Variants in GPC5 observed in about 807,000 individuals in gnomAD.
The protein encoded by GPC5 is glypican 5.
GPC5 carries 47 observed loss-of-function variants against 53.9 expected under a neutral mutation model. The observed-to-expected ratio is 0.87, with a 90% CI of 0.69 to 1.11. GPC5 has a LOEUF of 1.11. GPC5 is among the 50% of genes most tolerant of loss of function. GPC5 has a pLI of 0.00. For missense variants in GPC5, 748 were observed against 713.1 expected (o/e 1.05, Z -0.56); for synonymous variants, 286 against 263.3 (o/e 1.09, Z -0.84).
intron 6 of GPC5, among the ~76,000 whole-genome samples, chr13:92,074,117 G>A (rs1434624483): frequency 1.3e-5 from 2 of 152,186 alleles, no homozygotes; most frequent in Non-Finnish European, 1.5e-5. Flanking sequence ...AACATCGTGA[G>A]TGAATACATT....
chr13:91,479,137 T>A (rs1376589485), intron 2 of GPC5, among the ~76,000 whole-genome samples: 1 of 151,604 alleles, frequency 6.6e-6, no homozygotes, highest in Non-Finnish European at 1.5e-5. Context: ...GGCCTCGAAC[T>A]CCTGAGCTCA....
At chr13:91,958,457 G>A (rs2040094748) in intron 6 of GPC5, among the ~76,000 whole-genome samples, 2 of 151,920 alleles carry the variant, frequency 1.3e-5, no homozygotes, top group Admixed American at 6.6e-5. Context: ...TCCATTCTCA[G>A]CATTAGACAG....
intron 7 of GPC5, among the ~76,000 whole-genome samples, chr13:92,393,281 A>T (rs1463719929): frequency 1.3e-5 from 2 of 151,668 alleles, no homozygotes; most frequent in African/African-American, 4.8e-5. Flanking sequence ...ATTATTCTTT[A>T]AAAAAAAACT....
At chr13:91,694,324 G>A (rs144815333) in intron 3 of GPC5, among the ~76,000 whole-genome samples, 1 of 152,172 alleles carries the variant, frequency 6.6e-6, no homozygotes, top group Non-Finnish European at 1.5e-5. Flanking sequence ...GGTAGTTATT[G>A]TTAGAATTTC....
At chr13:92,462,491 G>A (rs1878528891) in intron 7 of GPC5, among the ~76,000 whole-genome samples, 1 of 152,104 alleles carries the variant, frequency 6.6e-6, no homozygotes, top group African/African-American at 2.4e-5. Flanking sequence ...GCAGAAGCAG[G>A]GGTTTTTCTT....
chr13:92,612,269 A>C (rs539256341), intron 7 of GPC5, among the ~76,000 whole-genome samples: 55 of 152,268 alleles, frequency 3.6e-4, no homozygotes, highest in Middle Eastern at 3.4e-3. Context: ...ATCAAAGCAC[A>C]TCACGAATTG....
At chr13:91,768,223 G>A (rs1252253886) in intron 5 of GPC5, among the ~76,000 whole-genome samples, 1 of 152,056 alleles carries the variant, frequency 6.6e-6, no homozygotes, top group Non-Finnish European at 1.5e-5. Context: ...CTACAGTGTA[G>A]TCTAATTGAA....
intron 7 of GPC5, among the ~76,000 whole-genome samples, chr13:92,817,313 A>C (rs930634849): frequency 1.3e-5 from 2 of 151,996 alleles, no homozygotes; most frequent in African/African-American, 4.8e-5. Flanking sequence ...AGTAGTATAA[A>C]TCTACAATTC....
At chr13:92,864,712 C>T (rs1216465771) in intron 7 of GPC5, among the ~76,000 whole-genome samples, 2 of 151,988 alleles carry the variant, frequency 1.3e-5, no homozygotes, top group African/African-American at 2.4e-5. Flanking sequence ...ATTCATCTTG[C>T]CTAATGACAC....
chr13:92,293,374 C>CT (rs1310533453), intron 7 of GPC5, among the ~76,000 whole-genome samples: 1 of 121,872 alleles, frequency 8.2e-6, no homozygotes. Flanking sequence ...TTGTAGAGGT[C>CT]TTTCACCTCT....
At chr13:92,385,214 A>G (rs1374189378) in intron 7 of GPC5, among the ~76,000 whole-genome samples, 2 of 151,042 alleles carry the variant, frequency 1.3e-5, no homozygotes, top group African/African-American at 2.4e-5. Flanking sequence ...ATTTTATTAT[A>G]TTTCAACTAT....
At chr13:92,556,790 G>A (rs1410625775) in intron 7 of GPC5, among the ~76,000 whole-genome samples, 1 of 151,618 alleles carries the variant, frequency 6.6e-6, no homozygotes, top group African/African-American at 2.4e-5. Flanking sequence ...TTCTTAAAAC[G>A]GTGTTAATCA....
chr13:92,568,484 G>A (rs1882928442), intron 7 of GPC5, among the ~76,000 whole-genome samples: 1 of 152,090 alleles, frequency 6.6e-6, no homozygotes, highest in Non-Finnish European at 1.5e-5. Context: ...AGCTTGGTTA[G>A]TTTAAAATAT....
chr13:92,277,663 T>G (rs2042885515), intron 7 of GPC5, among the ~76,000 whole-genome samples: 1 of 151,984 alleles, frequency 6.6e-6, no homozygotes, highest in African/African-American at 2.4e-5. Flanking sequence ...TGTTGGCCCC[T>G]GTAAAATTAA....
Position 92,369,481 on chromosome 13 carries a change from G to A in GPC5, c.1561+224492G>A, listed in dbSNP as rs1175135346. 2.6e-5 allele frequency among the ~76,000 whole-genome samples: 4 copies of A among 152,108 alleles called. No individual in the cohort carries two copies. The East Asian group carries it at 7.7e-4, about 29-fold the overall frequency. On this transcript the variant is annotated intron_variant, in intron 7 of 7. Transcript: ENST00000377067. ...TCTGAGCCACCACCTTCAGCCTAGA[G>A]CTGTTTTTAATGTTTTAGTTGTTGT...
chr13:91,474,494 A>G (rs149211847), intron 2 of GPC5, among the ~76,000 whole-genome samples: 18 of 152,208 alleles, frequency 1.2e-4, no homozygotes, highest in African/African-American at 4.1e-4. Flanking sequence ...GAAATCTGTC[A>G]GTTTCTCAAT....
chr13:92,000,291 G>A (rs955773873), intron 6 of GPC5, among the ~76,000 whole-genome samples: 1 of 151,646 alleles, frequency 6.6e-6, no homozygotes, highest in East Asian at 1.9e-4. Context: ...TTCTATATTT[G>A]GATAGAGGAA....
intron 4 of GPC5, among the ~76,000 whole-genome samples, chr13:91,730,548 G>A (rs1371130028): frequency 6.6e-6 from 1 of 152,160 alleles, no homozygotes; most frequent in African/African-American, 2.4e-5. Context: ...ATGGTCAAGT[G>A]TGTAGTTTCT....
intron 6 of GPC5, among the ~76,000 whole-genome samples, chr13:92,115,929 C>T (rs72635479): frequency 0.019 from 2,944 of 152,070 alleles, 42 homozygotes; most frequent in African/African-American, 0.045. Context: ...AGAGTGGGCC[C>T]TAATCCTATA....
Sources: allele counts gnomAD v4.1 joint callset (sites outside exome capture counted in the v4.1 genomes callset), GRCh38; gene constraint gnomAD v4.1.1; transcripts MANE v1.5; gene names NCBI Gene and HGNC (gene_info 2026-07-23, HGNC 2026-07-21).